Variants in UBL3 observed in about 807,000 individuals in gnomAD.
UBL3 encodes the protein ubiquitin-like protein 3.
UBL3 carries 6 observed loss-of-function variants against 18.4 expected under a neutral mutation model. That is an observed-to-expected ratio of 0.33 (90% CI 0.18 to 0.64). The LOEUF is 0.64. UBL3 is among the 30% of genes least tolerant of loss of function. The pLI is 0.76. For missense variants in UBL3, 109 were observed against 142.9 expected, an observed-to-expected ratio of 0.76 and a Z score of 1.21; for synonymous variants, 49 against 46.6, an observed-to-expected ratio of 1.05 and a Z score of -0.21.
At position 29,849,666 on chromosome 13, in the gene UBL3, T is replaced by C. The variant is rs1053053440; in HGVS notation, c.-128A>G. On this transcript the variant is annotated 5_prime_UTR_variant, in exon 1 of 5. Transcript: ENST00000380680. ...CGTGATGTGCTTTCTCCCCCAAAAA[T>C]AAAGTTATTTTGGAGCCAAAGTGCC... 3.1e-5 allele frequency: 40 copies of C among 1,272,330 alleles called. 1 individual carries two copies. The African/African-American group carries it at 3.9e-4, about 12-fold the overall frequency. The allele number at this position is 1,272,330 out of a possible 1,614,324, so 78.8% of individuals were successfully genotyped here.
intron 1 of UBL3, among the ~76,000 whole-genome samples, chr13:29,810,650 A>G (rs914438279): frequency 6.6e-6 from 1 of 152,128 alleles, no homozygotes; most frequent in Admixed American, 6.6e-5. Flanking sequence ...TAACTAGTTA[A>G]TATTCTACTA....
At chr13:29,814,992 A>C (rs2139343914) in intron 1 of UBL3, among the ~76,000 whole-genome samples, 1 of 152,300 alleles carries the variant, frequency 6.6e-6, no homozygotes, top group South Asian at 2.1e-4. Context: ...CTATATAGAA[A>C]TGTTATAAAA....
intron 1 of UBL3, among the ~76,000 whole-genome samples, chr13:29,816,593 T>C (rs1374434487): frequency 4.7e-5 from 7 of 150,312 alleles, no homozygotes; most frequent in Admixed American, 2.0e-4. Flanking sequence ...ATTTTGTATC[T>C]ACAAAAAAAA....
At chr13:29,831,862 A>T (rs1174074015) in intron 1 of UBL3, among the ~76,000 whole-genome samples, 1 of 152,204 alleles carries the variant, frequency 6.6e-6, no homozygotes, top group Non-Finnish European at 1.5e-5. Context: ...TAGTCCACTG[A>T]AAGTATTATA....
chr13:29,825,095 T>C (rs1878582077), intron 1 of UBL3, among the ~76,000 whole-genome samples: 1 of 152,212 alleles, frequency 6.6e-6, no homozygotes, highest in African/African-American at 2.4e-5. Flanking sequence ...TACTATGCTG[T>C]TTTGGTTACT....
At chr13:29,838,909 T>G (rs1345121455) in intron 1 of UBL3, among the ~76,000 whole-genome samples, 2 of 151,862 alleles carry the variant, frequency 1.3e-5, no homozygotes, top group African/African-American at 4.8e-5. Context: ...CGAAGAGAGA[T>G]TTAAAGGAAA....
At chr13:29,809,120 T>C (rs1217711615) in intron 1 of UBL3, among the ~76,000 whole-genome samples, 1 of 152,066 alleles carries the variant, frequency 6.6e-6, no homozygotes, top group African/African-American at 2.4e-5. Context: ...TCTGAAAACA[T>C]GGAACTAACA....
rs186658040 is a variant in UBL3 at position 29,800,855 on chromosome 13, T to C, written c.28-23592A>G. Among the ~76,000 whole-genome samples the C allele has an allele frequency of 2.3e-3, 345 of 152,298 alleles. 2 individuals carry two copies. The highest frequency in any genetic ancestry group is 8.1e-3 in the African/African-American group (336 of 41,572). On this transcript the variant is annotated intron_variant, in intron 1 of 4. Coordinates refer to ENST00000380680, the MANE Select transcript of UBL3 (RefSeq NM_007106.4). ...CCATTTTTGCTGCTCAACAGACCTCTTTCCTGTTGCCCTCAGGCTTAGAAG... is the reference window on the plus strand; with the variant it reads ...CCATTTTTGCTGCTCAACAGACCTCCTTCCTGTTGCCCTCAGGCTTAGAAG...
At chr13:29,832,730 A>G (rs1878814333) in intron 1 of UBL3, among the ~76,000 whole-genome samples, 1 of 152,192 alleles carries the variant, frequency 6.6e-6, no homozygotes, top group Non-Finnish European at 1.5e-5. Context: ...CCGTGATGGA[A>G]GCAGCTATCC....
Position 29,849,899 on chromosome 13 carries a change from T to G in UBL3, c.-361A>C. The stretch of plus-strand genomic sequence containing the variant: ...GGGTGGGAGGGGGTTAAATGCGCCT[T>G]CCTCCTTTCCCAGCCCCGGCAATGA... On this transcript the variant is annotated 5_prime_UTR_variant, in exon 1 of 5. Coordinates refer to ENST00000380680, the MANE Select transcript of UBL3 (RefSeq NM_007106.4). 1 of 405,322 alleles carries G rather than the reference T, an allele frequency of 2.5e-6. No homozygotes were observed. The highest frequency in any genetic ancestry group is 2.4e-5 in the South Asian group (1 of 40,992). 25.1% of individuals were successfully genotyped at this position (405,322 alleles called of 1,614,324 possible). A position where few individuals can be genotyped will look rare whatever the true frequency, so the allele number is the denominator to read the frequency against.
At chr13:29,845,075 T>C (rs879936477) in intron 1 of UBL3, among the ~76,000 whole-genome samples, 1 of 152,014 alleles carries the variant, frequency 6.6e-6, no homozygotes, top group African/African-American at 2.4e-5. Flanking sequence ...GATACCTGTG[T>C]AAGAGGAATG....
At chr13:29,783,093 C>T (rs761112657) in intron 1 of UBL3, among the ~76,000 whole-genome samples, 4 of 152,164 alleles carry the variant, frequency 2.6e-5, no homozygotes, top group Non-Finnish European at 5.9e-5. Flanking sequence ...GAATGAGTGG[C>T]ATAGTATGTA....
At chr13:29,773,928 T>G (rs1876914144) in intron 2 of UBL3, among the ~76,000 whole-genome samples, 1 of 152,196 alleles carries the variant, frequency 6.6e-6, no homozygotes, top group African/African-American at 2.4e-5. Flanking sequence ...TATTAATATT[T>G]GCCACACATT....
intron 1 of UBL3, among the ~76,000 whole-genome samples, chr13:29,786,590 AGTAATTTAAGCC>A: frequency 6.6e-6 from 1 of 152,210 alleles, no homozygotes; most frequent in African/African-American, 2.4e-5. Flanking sequence ...TTTGCGAAGA[AGTAATTTAAGCC>A]ATCTGTGAAA....
intron 1 of UBL3, among the ~76,000 whole-genome samples, chr13:29,787,989 G>A (rs1877368173): frequency 6.6e-6 from 1 of 152,146 alleles, no homozygotes; most frequent in Non-Finnish European, 1.5e-5. Context: ...TCCCATTAGT[G>A]ACGGCATGAT....
At chr13:29,791,686 G>A (rs1877483450) in intron 1 of UBL3, among the ~76,000 whole-genome samples, 1 of 152,186 alleles carries the variant, frequency 6.6e-6, no homozygotes, top group South Asian at 2.1e-4. Flanking sequence ...CCAATCACTG[G>A]CATATCCAAT....
At chr13:29,774,386 C>A (rs889995400) in intron 2 of UBL3, among the ~76,000 whole-genome samples, 1 of 152,012 alleles carries the variant, frequency 6.6e-6, no homozygotes, top group Non-Finnish European at 1.5e-5. Context: ...AAAGCTATTA[C>A]TTACTATGAC....
intron 1 of UBL3, among the ~76,000 whole-genome samples, chr13:29,778,915 T>C (rs1008511158): frequency 2.6e-5 from 4 of 152,176 alleles, no homozygotes; most frequent in Non-Finnish European, 4.4e-5. Flanking sequence ...CAATTAAAAG[T>C]TTTTTAGAAG....
intron 1 of UBL3, among the ~76,000 whole-genome samples, chr13:29,818,182 A>G (rs1593667527): frequency 6.6e-6 from 1 of 152,216 alleles, no homozygotes; most frequent in Non-Finnish European, 1.5e-5. Context: ...GTAGCTAAAA[A>G]TAAGAAAACA....
Sources: gnomAD v4.1 joint callset for allele counts (sites outside exome capture counted in the v4.1 genomes callset) on GRCh38, gnomAD v4.1.1 for gene constraint, MANE v1.5 for transcripts, NCBI Gene and HGNC (gene_info 2026-07-23, HGNC 2026-07-21) for gene names.